Variants in H2AC11 observed in about 807,000 individuals in gnomAD.
H2AC11 encodes H2A clustered histone 11, also known as histone H2A type 1.
A neutral mutation model predicts 5.9 loss-of-function variants in H2AC11; 8 were observed. The ratio of observed to expected loss-of-function variants is 1.35; its 90% CI spans 0.79 to 2.44. H2AC11 has a LOEUF of 2.44. Ranked by LOEUF, H2AC11 falls within the 30% of genes most tolerant of loss-of-function variation. The pLI is 0.00. For missense variants in H2AC11, 189 were observed against 178.6 expected (o/e 1.06, Z -0.33); for synonymous variants, 161 against 81.9 (o/e 1.96, Z -5.21).
Position 27,133,320 on chromosome 6 carries a change from T to C in H2AC11, c.249T>C (p.His83=), listed in dbSNP as rs1451957101. Residue 83 remains histidine, a synonymous_variant, in exon 1 of 1, where the codon CAT becomes CAC. Coordinates refer to ENST00000359193, the MANE Select transcript of H2AC11 (RefSeq NM_021064.5). ...AGAAGACCCGCATCATCCCGCGTCA[T>C]CTCCAACTGGCCATCCGCAACGACG... ...DNKKTRIIPR[H]LQLAIRNDEE... The C allele has an allele frequency of 1.9e-6, 3 of 1,613,678 alleles. No homozygotes were observed. The highest frequency in any genetic ancestry group is 3.3e-5 in the Admixed American group (2 of 59,962).
Position 27,133,076 on chromosome 6 carries a change from C to T in H2AC11, c.5C>T (p.Ser2Phe), listed in dbSNP as rs1383044017. The change falls in exon 1 of 1, where the codon TCT becomes TTT. Residue 2 changes from serine (S) to phenylalanine (F), a missense_variant. Transcript: ENST00000359193. M[S>F]GRGKQGGKAR... ...TCGTAGTGAGTTGCGCTCGCTATGTCTGGACGTGGCAAGCAGGGAGGCAAA... is the reference window on the plus strand; with the variant it reads ...TCGTAGTGAGTTGCGCTCGCTATGTTTGGACGTGGCAAGCAGGGAGGCAAA... The T allele has an allele frequency of 3.1e-6, 5 of 1,610,968 alleles. No individual in the cohort carries two copies. The highest frequency in any genetic ancestry group is 2.2e-5 in the East Asian group (1 of 44,830).
Position 27,133,524 on chromosome 6 carries a change from C to T in H2AC11, c.*60C>T, listed in dbSNP as rs1759889343. The T allele has an allele frequency of 1.9e-6, 3 of 1,561,282 alleles. No homozygotes were observed. The highest frequency in any genetic ancestry group is 1.7e-6 in the Non-Finnish European group (2 of 1,149,498). ...TCGAGTCCAAACCAACGGCTCTTTT[C>T]AGGGCCACCCACGTCTTCTCTAAAA... is the stretch of plus-strand genomic sequence containing the variant. On this transcript the variant is annotated 3_prime_UTR_variant, in exon 1 of 1. Transcript: ENST00000359193.
chr6:27,133,206 G>A lies in H2AC11; in HGVS notation c.135G>A (p.Gly45=), dbSNP rs577496343. The A allele has an allele frequency of 3.4e-5, 55 of 1,614,058 alleles. No individual in the cohort carries two copies. In the South Asian group the frequency reaches 5.9e-4, roughly 17 times the overall value. The part of the protein sequence containing the change: ...LRKGNYAERV[G]AGAPVYLAAV... The stretch of plus-strand genomic sequence containing the variant: ...AAGGCAACTATGCCGAGCGGGTCGG[G>A]GCCGGCGCGCCGGTGTATCTGGCAG... The change falls in exon 1 of 1, where the codon GGG becomes GGA. Residue 45 remains glycine, a synonymous_variant. Coordinates refer to ENST00000359193, the MANE Select transcript of H2AC11 (RefSeq NM_021064.5).
chr6:27,133,459 A>G lies in H2AC11; in HGVS notation c.388A>G (p.Lys130Glu). The G allele has an allele frequency of 6.2e-7, 1 of 1,613,998 alleles. No individual in the cohort carries two copies. The highest frequency in any genetic ancestry group is 8.5e-7 in the Non-Finnish European group (1 of 1,179,830). ...TGAGAGCCACCACAAGGCGAAGGGCAAGTAACTATCTGTACTAGTTTGTGG... is the reference window on the plus strand; with the variant it reads ...TGAGAGCCACCACAAGGCGAAGGGCGAGTAACTATCTGTACTAGTTTGTGG... ...KTESHHKAKG[K>E] Residue 130 changes from lysine to glutamate, a missense_variant, in exon 1 of 1, where the codon AAG becomes GAG. Transcript: ENST00000359193.
In H2AC11 at chr6:27,133,526, G is replaced by A; in HGVS notation, c.*62G>A. 6.4e-7 allele frequency: 1 copy of A among 1,561,918 alleles called. No homozygotes were observed. Among genetic ancestry groups the A allele is most frequent in the Non-Finnish European group, 8.7e-7 (1 of 1,150,056 alleles). On this transcript the variant is annotated 3_prime_UTR_variant, in exon 1 of 1. Transcript: ENST00000359193. The stretch of plus-strand genomic sequence containing the variant: ...GAGTCCAAACCAACGGCTCTTTTCA[G>A]GGCCACCCACGTCTTCTCTAAAAGA...
rs1248513329 is a variant in H2AC11, at chr6:27,133,234, G to A, written c.163G>A (p.Val55Met). 3.1e-6 allele frequency: 5 copies of A among 1,614,178 alleles called. No individual in the cohort carries two copies. The highest frequency in any genetic ancestry group is 2.2e-5 in the East Asian group (1 of 44,866). Residue 55 changes from valine (V) to methionine (M), a missense_variant, in exon 1 of 1, where the codon GTG (valine) becomes ATG (methionine). Transcript: ENST00000359193. ...GAGAPVYLAA[V>M]LEYLTAEILE... Reference sequence around the variant, plus strand: ...CGGCGCGCCGGTGTATCTGGCAGCGGTGCTGGAGTACCTGACCGCCGAGAT... The same window carrying A: ...CGGCGCGCCGGTGTATCTGGCAGCGATGCTGGAGTACCTGACCGCCGAGAT...
rs779686946 is a variant in H2AC11 at position 27,133,061 on chromosome 6, T to A, written c.-11T>A. 1.2e-6 allele frequency: 2 copies of A among 1,601,604 alleles called. No homozygotes were observed. Among genetic ancestry groups the A allele is most frequent in the South Asian group, 1.1e-5 (1 of 89,960 alleles). On this transcript the variant is annotated 5_prime_UTR_variant, in exon 1 of 1. It adds an upstream start codon to the 5' untranslated region. Coordinates refer to ENST00000359193, the MANE Select transcript of H2AC11 (RefSeq NM_021064.5). Reference sequence around the variant, plus strand: ...TCACTTTGTGGTTGCTCGTAGTGAGTTGCGCTCGCTATGTCTGGACGTGGC... The same window carrying A: ...TCACTTTGTGGTTGCTCGTAGTGAGATGCGCTCGCTATGTCTGGACGTGGC...
At position 27,133,106 on chromosome 6, in the gene H2AC11, G is replaced by A; in HGVS notation, c.35G>A (p.Arg12His). 6.2e-7 allele frequency: 1 copy of A among 1,613,498 alleles called. No homozygotes were observed. The highest frequency in any genetic ancestry group is 1.1e-5 in the South Asian group (1 of 91,044). ...SGRGKQGGKA[R>H]AKAKTRSSRA... is the part of the protein sequence containing the mutation. ...CGTGGCAAGCAGGGAGGCAAAGCCC[G>A]CGCTAAGGCCAAGACTCGCTCTTCT... The change falls in exon 1 of 1, where the codon CGC becomes CAC. Residue 12 changes from arginine to histidine, a missense_variant. By Grantham distance (29) the Arg-to-His change is conservative. Transcript: ENST00000359193.
In H2AC11 at chr6:27,133,368, C is replaced by T. The variant is rs1022008644; in HGVS notation, c.297C>T (p.Gly99=). Residue 99 remains glycine, a synonymous_variant, in exon 1 of 1, where the codon GGC becomes GGT. Coordinates refer to ENST00000359193, the MANE Select transcript of H2AC11 (RefSeq NM_021064.5). The part of the protein sequence containing the change: ...RNDEELNKLL[G]KVTIAQGGVL... ...ACGAGGAGCTCAACAAGCTGCTGGG[C>T]AAAGTCACCATCGCACAGGGCGGTG... 2 of 1,614,216 alleles carry T rather than the reference C, an allele frequency of 1.2e-6. No homozygotes were observed. Among genetic ancestry groups the T allele is most frequent in the Non-Finnish European group, 1.7e-6 (2 of 1,180,038 alleles).
At position 27,133,122 on chromosome 6, in the gene H2AC11, T is replaced by C. The variant is rs746272983; in HGVS notation, c.51T>C (p.Thr17=). ...GCAAAGCCCGCGCTAAGGCCAAGAC[T>C]CGCTCTTCTAGGGCCGGTCTCCAGT... ...QGGKARAKAK[T]RSSRAGLQFP... is the part of the protein sequence containing the mutation. Residue 17 remains threonine (T), a synonymous_variant, in exon 1 of 1, where the codon ACT becomes ACC. Transcript: ENST00000359193. 4 of 1,613,970 alleles carry C rather than the reference T, an allele frequency of 2.5e-6. No individual in the cohort carries two copies. Among genetic ancestry groups the C allele is most frequent in the Non-Finnish European group, 8.5e-7 (1 of 1,179,964 alleles).
rs779211450 is a variant in H2AC11, at chr6:27,133,254, C to G, written c.183C>G (p.Ala61=). Residue 61 remains alanine (A), a synonymous_variant, in exon 1 of 1, where the codon GCC becomes GCG. Coordinates refer to ENST00000359193, the MANE Select transcript of H2AC11 (RefSeq NM_021064.5). ...CAGCGGTGCTGGAGTACCTGACCGCCGAGATCCTGGAACTGGCGGGCAACG... is the reference window on the plus strand; with the variant it reads ...CAGCGGTGCTGGAGTACCTGACCGCGGAGATCCTGGAACTGGCGGGCAACG... ...YLAAVLEYLT[A]EILELAGNAA... 6.2e-7 allele frequency: 1 copy of G among 1,614,182 alleles called. No individual in the cohort carries two copies. Among genetic ancestry groups the G allele is most frequent in the Non-Finnish European group, 8.5e-7 (1 of 1,180,040 alleles).
In H2AC11 at chr6:27,133,043, G is replaced by A. The variant is rs750824357; in HGVS notation, c.-29G>A. Reference sequence around the variant, plus strand: ...AAGCGCCGCCTTTCCCGTTCACTTTGTGGTTGCTCGTAGTGAGTTGCGCTC... The same window carrying A: ...AAGCGCCGCCTTTCCCGTTCACTTTATGGTTGCTCGTAGTGAGTTGCGCTC... On this transcript the variant is annotated 5_prime_UTR_variant, in exon 1 of 1. In the 5' UTR this introduces an upstream ATG that the reference lacks. Transcript: ENST00000359193. 5 of 1,582,732 alleles carry A rather than the reference G, an allele frequency of 3.2e-6. No individual in the cohort carries two copies. The South Asian group carries it at 3.4e-5, about 11-fold the overall frequency.
chr6:27,133,179 CA>C lies in H2AC11; in HGVS notation c.111del (p.Gly38AlafsTer22), dbSNP rs768659577. 3 of 1,613,996 alleles carry C rather than the reference CA, an allele frequency of 1.9e-6. No homozygotes were observed. The African/African-American group carries it at 4.0e-5, about 22-fold the overall frequency. ...PVGRVHRLLR[K>X]GNYAERVGAG... The stretch of plus-strand genomic sequence containing the variant: ...TGGGCCGAGTGCACCGCCTGCTCCG[CA>C]AAGGCAACTATGCCGAGCGGGTCGG... On this transcript the variant is annotated frameshift_variant, in exon 1 of 1. Coordinates refer to ENST00000359193, the MANE Select transcript of H2AC11 (RefSeq NM_021064.5). LOFTEE classifies it high-confidence loss of function.
At position 27,133,067 on chromosome 6, in the gene H2AC11, TCGCTATGTCTGGA is replaced by T; in HGVS notation, c.-2_11del. The T allele has an allele frequency of 5.0e-6, 8 of 1,603,566 alleles. No homozygotes were observed. The highest frequency in any genetic ancestry group is 6.8e-6 in the Non-Finnish European group (8 of 1,174,132). On this transcript the variant is annotated start_lost and 5_prime_UTR_variant, in exon 1 of 1. Transcript: ENST00000359193. Reference sequence around the variant, plus strand: ...TGTGGTTGCTCGTAGTGAGTTGCGCTCGCTATGTCTGGACGTGGCAAGCAGGGAGGCAAAGCCC... The same window carrying T: ...TGTGGTTGCTCGTAGTGAGTTGCGCTCGTGGCAAGCAGGGAGGCAAAGCCC...
rs764609613 is a variant in H2AC11, at chr6:27,133,380, C to T, written c.309C>T (p.Ile103=). 1.2e-6 allele frequency: 2 copies of T among 1,614,244 alleles called. No individual in the cohort carries two copies. The highest frequency in any genetic ancestry group is 1.3e-5 in the African/African-American group (1 of 75,062). ...ELNKLLGKVT[I]AQGGVLPNIQ... is the part of the protein sequence containing the mutation. ...ACAAGCTGCTGGGCAAAGTCACCAT[C>T]GCACAGGGCGGTGTCCTGCCCAACA... The change falls in exon 1 of 1, where the codon ATC becomes ATT. Residue 103 remains isoleucine, a synonymous_variant. Transcript: ENST00000359193.
At position 27,133,477 on chromosome 6, in the gene H2AC11, G is replaced by A; in HGVS notation, c.*13G>A. 2.5e-6 allele frequency: 4 copies of A among 1,604,680 alleles called. No individual in the cohort carries two copies. Among genetic ancestry groups the A allele is most frequent in the Non-Finnish European group, 3.4e-6 (4 of 1,173,124 alleles). On this transcript the variant is annotated 3_prime_UTR_variant, in exon 1 of 1. Transcript: ENST00000359193. ...GAAGGGCAAGTAACTATCTGTACTA[G>A]TTTGTGGCAGCTCAAGTAAAATCGA...
Position 27,133,284 on chromosome 6 carries a change from C to T in H2AC11, c.213C>T (p.Ala71=), listed in dbSNP as rs773383414. Residue 71 remains alanine (A), a synonymous_variant, in exon 1 of 1, where the codon GCC becomes GCT. Coordinates refer to ENST00000359193, the MANE Select transcript of H2AC11 (RefSeq NM_021064.5). ...TCCTGGAACTGGCGGGCAACGCGGCCCGCGACAACAAGAAGACCCGCATCA... is the reference window on the plus strand; with the variant it reads ...TCCTGGAACTGGCGGGCAACGCGGCTCGCGACAACAAGAAGACCCGCATCA... The part of the protein sequence containing the change: ...AEILELAGNA[A]RDNKKTRIIP... 5.0e-6 allele frequency: 8 copies of T among 1,614,020 alleles called. No individual in the cohort carries two copies. The highest frequency in any genetic ancestry group is 2.7e-5 in the African/African-American group (2 of 74,908).
At position 27,133,227 on chromosome 6, in the gene H2AC11, G is replaced by A; in HGVS notation, c.156G>A (p.Leu52=). 5 of 1,614,154 alleles carry A rather than the reference G, an allele frequency of 3.1e-6. No homozygotes were observed. Among genetic ancestry groups the A allele is most frequent in the Non-Finnish European group, 4.2e-6 (5 of 1,180,042 alleles). Residue 52 remains leucine (L), a synonymous_variant, in exon 1 of 1, where the codon CTG becomes CTA. Transcript: ENST00000359193. ...TCGGGGCCGGCGCGCCGGTGTATCT[G>A]GCAGCGGTGCTGGAGTACCTGACCG... ...ERVGAGAPVY[L]AAVLEYLTAE... is the part of the protein sequence containing the mutation.
rs1429733245 is a variant in H2AC11, at chr6:27,133,501, G to T, written c.*37G>T. On this transcript the variant is annotated 3_prime_UTR_variant, in exon 1 of 1. Coordinates refer to ENST00000359193, the MANE Select transcript of H2AC11 (RefSeq NM_021064.5). ...AGTTTGTGGCAGCTCAAGTAAAATC[G>T]AGTCCAAACCAACGGCTCTTTTCAG... The T allele has an allele frequency of 8.8e-6, 14 of 1,594,470 alleles. No individual in the cohort carries two copies. In the Admixed American group the frequency reaches 2.4e-4, roughly 27 times the overall value.
Sources: gnomAD v4.1 joint callset for allele counts on GRCh38, gnomAD v4.1.1 for gene constraint, MANE v1.5 for transcripts, NCBI Gene and HGNC (gene_info 2026-07-23, HGNC 2026-07-21) for gene names.